Variants in SP3 observed in about 807,000 individuals in gnomAD.
SP3 encodes transcription factor Sp3.
In SP3, 10 loss-of-function variants were observed where a neutral mutation model predicts 70.3. The ratio of observed to expected loss-of-function variants is 0.14; its 90% CI spans 0.09 to 0.24. SP3 has a LOEUF of 0.24. SP3 is among the 10% of genes least tolerant of loss of function. The pLI, the probability that SP3 is intolerant of heterozygous loss-of-function variation, is 1.00. For synonymous variants in SP3, 402 were observed against 333.5 expected (o/e 1.21, Z -2.24); for missense variants, 825 against 914.6 (o/e 0.90, Z 1.26).
intron 4 of SP3, among the ~76,000 whole-genome samples, chr2:173,932,088 C>G (rs1262404749): frequency 6.6e-6 from 1 of 152,240 alleles, no homozygotes; most frequent in Admixed American, 6.5e-5. Context: ...GCTTTCCTCA[C>G]TAAGCTTAAT....
chr2:173,964,684 CCGGCGGCGG>C lies in SP3; in HGVS notation c.8-140_8-132del, dbSNP rs1174348131. 3.1e-4 allele frequency: 117 copies of C among 378,584 alleles called. 5 individuals carry two copies. The highest frequency in any genetic ancestry group is 7.3e-4 in the Middle Eastern group (1 of 1,368). The allele number at this position is 378,584 out of a possible 1,614,324, so 23.5% of individuals were successfully genotyped here. A position where few individuals can be genotyped will look rare whatever the true frequency, so the allele number is the denominator to read the frequency against. ...CCCCTTCCCCTCCCCCACCCGCCCC[CCGGCGGCGG>C]CGGCGGCGGCGGCTCCCTCCTCCCC... On this transcript the variant is annotated intron_variant, in intron 1 of 6. Transcript: ENST00000310015.
At chr2:173,919,075 C>T (rs771534297) in intron 4 of SP3, among the ~76,000 whole-genome samples, 3 of 152,168 alleles carry the variant, frequency 2.0e-5, no homozygotes, top group Non-Finnish European at 4.4e-5. Flanking sequence ...AATACAATCT[C>T]CCTAAATGAA....
intron 3 of SP3, among the ~76,000 whole-genome samples, chr2:173,958,405 C>A (rs1286375176): frequency 2.6e-5 from 4 of 151,664 alleles, no homozygotes; most frequent in African/African-American, 9.7e-5. Context: ...TTGCCCAAGT[C>A]ATCCCCTCTC....
chr2:173,920,042 T>C (rs6729141), intron 4 of SP3, among the ~76,000 whole-genome samples: 5,613 of 152,170 alleles, frequency 0.037, 367 homozygotes, highest in African/African-American at 0.13. Context: ...ACAACTTACA[T>C]GCAACAGAAA....
chr2:173,926,557 G>A (rs1268831519), intron 4 of SP3, among the ~76,000 whole-genome samples: 1 of 152,164 alleles, frequency 6.6e-6, no homozygotes, highest in African/African-American at 2.4e-5. Context: ...CCAGCACTTT[G>A]GGAGGCCAAG....
intron 3 of SP3, among the ~76,000 whole-genome samples, chr2:173,962,416 G>C (rs79418221): frequency 0.069 from 10,532 of 152,154 alleles, 453 homozygotes; most frequent in Middle Eastern, 0.12. Flanking sequence ...GAACTAGAGG[G>C]ATACAGTTCA....
At chr2:173,945,790 G>A (rs1316764717) in intron 4 of SP3, among the ~76,000 whole-genome samples, 1 of 152,142 alleles carries the variant, frequency 6.6e-6, no homozygotes, top group African/African-American at 2.4e-5. Flanking sequence ...CACTCCATTA[G>A]TATTTTGGGA....
intron 4 of SP3, among the ~76,000 whole-genome samples, chr2:173,953,419 C>T (rs1574422689): frequency 1.3e-5 from 2 of 152,132 alleles, no homozygotes; most frequent in African/African-American, 2.4e-5. Flanking sequence ...CGGTGGCTCA[C>T]GCCTGTAATC....
rs1689310237 is a variant in SP3, at chr2:173,906,041, TG to T, written c.*3899del. Among the ~76,000 whole-genome samples, 1 of 152,118 alleles carries T rather than the reference TG, an allele frequency of 6.6e-6. No individual in the cohort carries two copies. The highest frequency in any genetic ancestry group is 2.4e-5 in the African/African-American group (1 of 41,414). On this transcript the variant is annotated 3_prime_UTR_variant, in exon 7 of 7. Transcript: ENST00000310015. Reference sequence around the variant, plus strand: ...AACCCTGGACTAGAATGAATTTTTCTGGGGAGAAGGTGTAGGATTCCAAAAA... The same window carrying T: ...AACCCTGGACTAGAATGAATTTTTCTGGGAGAAGGTGTAGGATTCCAAAAA...
chr2:173,924,481 T>C (rs990708464), intron 4 of SP3, among the ~76,000 whole-genome samples: 3 of 152,238 alleles, frequency 2.0e-5, no homozygotes, highest in Non-Finnish European at 4.4e-5. Context: ...CTCTCTCCAA[T>C]GATGAATATG....
At chr2:173,911,085 T>C (rs1422682899) in intron 6 of SP3, among the ~76,000 whole-genome samples, 2 of 152,236 alleles carry the variant, frequency 1.3e-5, no homozygotes, top group African/African-American at 4.8e-5. Flanking sequence ...TCCTTTGTTC[T>C]AGCACCTCTA....
intron 4 of SP3, among the ~76,000 whole-genome samples, chr2:173,929,917 A>G (rs564436234): frequency 2.0e-5 from 3 of 152,236 alleles, no homozygotes; most frequent in Admixed American, 2.0e-4. Context: ...TATCTATTTG[A>G]TTCTATCCAA....
intron 6 of SP3, among the ~76,000 whole-genome samples, chr2:173,911,654 T>A (rs1689486238): frequency 6.6e-6 from 1 of 152,182 alleles, no homozygotes; most frequent in Non-Finnish European, 1.5e-5. Context: ...TTTTACATTA[T>A]TCCTTTTTAC....
At chr2:173,925,805 T>TA (rs960174737) in intron 4 of SP3, among the ~76,000 whole-genome samples, 6 of 151,964 alleles carry the variant, frequency 3.9e-5, no homozygotes, top group East Asian at 3.9e-4. Flanking sequence ...CCCTTCAGAT[T>TA]AAAAAAAAGA....
intron 4 of SP3, among the ~76,000 whole-genome samples, chr2:173,950,565 C>G (rs984701465): frequency 1.3e-5 from 2 of 151,194 alleles, no homozygotes; most frequent in African/African-American, 4.9e-5. Context: ...TGTAGTTCTA[C>G]ACATTCAGGA....
At chr2:173,934,644 C>T (rs935147829) in intron 4 of SP3, among the ~76,000 whole-genome samples, 1 of 152,010 alleles carries the variant, frequency 6.6e-6, no homozygotes, top group Non-Finnish European at 1.5e-5. Flanking sequence ...AGGAGGATTA[C>T]CCAAGGCCAG....
At chr2:173,912,311 T>C (rs934384925) in intron 6 of SP3, among the ~76,000 whole-genome samples, 1 of 152,230 alleles carries the variant, frequency 6.6e-6, no homozygotes, top group African/African-American at 2.4e-5. Context: ...GTTTATTCGC[T>C]TAACCTAATA....
At chr2:173,958,144 T>C (rs1338349016) in intron 3 of SP3, among the ~76,000 whole-genome samples, 1 of 152,100 alleles carries the variant, frequency 6.6e-6, no homozygotes, top group Non-Finnish European at 1.5e-5. Flanking sequence ...CAGCATAAAA[T>C]TTACAGGTAT....
rs761085456 is a variant in SP3, at chr2:173,955,751, G to C, written c.761C>G (p.Ala254Gly). 6.2e-7 allele frequency: 1 copy of C among 1,614,192 alleles called. No homozygotes were observed. Among genetic ancestry groups the C allele is most frequent in the Non-Finnish European group, 8.5e-7 (1 of 1,180,036 alleles). ...TCCTGGCAGACCAAGAGGCACATTA[G>C]CAACTACTTGGGTTTGACCAGGAAA... ...SSFPGQTQVV[A>G]NVPLGLPGNI... The change falls in exon 4 of 7, where the codon GCT becomes GGT. Residue 254 changes from alanine to glycine, a missense_variant. By Grantham distance (60) the Ala-to-Gly change is moderately conservative (BLOSUM62 0). Transcript: ENST00000310015.
Sources: gnomAD v4.1 joint callset for allele counts (sites outside exome capture counted in the v4.1 genomes callset) on GRCh38, gnomAD v4.1.1 for gene constraint, MANE v1.5 for transcripts, NCBI Gene and HGNC (gene_info 2026-07-23, HGNC 2026-07-21) for gene names.